VIPR2: variants seen among roughly 807,000 people sequenced by gnomAD.
VIPR2 encodes the protein vasoactive intestinal peptide receptor 2.
A neutral mutation model predicts 58.0 loss-of-function variants in VIPR2; 48 were observed. The ratio of observed to expected loss-of-function variants is 0.83; its 90% CI spans 0.66 to 1.05. The LOEUF (loss-of-function observed/expected upper bound fraction) is 1.05, where lower values mean the gene tolerates loss of function less well. VIPR2 is among the 50% of genes least tolerant of loss of function. The probability of loss-of-function intolerance (pLI) is 0.00; values close to 1 mark genes in which losing one functional copy is unlikely to be tolerated. For missense variants in VIPR2, 534 were observed against 558.0 expected (o/e 0.96, Z 0.43); for synonymous variants, 243 against 235.2 (o/e 1.03, Z -0.30).
At chr7:159,076,505 C>A (rs1318195464) in intron 4 of VIPR2, among the ~76,000 whole-genome samples, 1 of 152,214 alleles carries the variant, frequency 6.6e-6, no homozygotes, top group Non-Finnish European at 1.5e-5. Flanking sequence ...CAATTTGGAT[C>A]CAGCTGTTCT....
intron 5 of VIPR2, among the ~76,000 whole-genome samples, chr7:159,055,307 G>A (rs1855247084): frequency 6.6e-6 from 1 of 152,192 alleles, no homozygotes; most frequent in South Asian, 2.1e-4. Context: ...TCAGGAGAGA[G>A]GTGGGGTAGA....
intron 2 of VIPR2, among the ~76,000 whole-genome samples, chr7:159,126,857 T>G (rs1422024146): frequency 6.6e-6 from 1 of 152,256 alleles, no homozygotes; most frequent in East Asian, 1.9e-4. Context: ...TCTCCTGCAC[T>G]GCCACGCACT....
chr7:159,113,089 T>C (rs1796101345), intron 2 of VIPR2, among the ~76,000 whole-genome samples: 1 of 152,170 alleles, frequency 6.6e-6, no homozygotes, highest in Non-Finnish European at 1.5e-5. Flanking sequence ...CCTCTCACAT[T>C]GTTTTAGATT....
chr7:159,098,744 AT>A lies in VIPR2; in HGVS notation c.357+5012del, dbSNP rs903305532. 3.9e-5 allele frequency among the ~76,000 whole-genome samples: 6 copies of A among 152,080 alleles called. No homozygotes were observed. The highest frequency in any genetic ancestry group is 9.7e-5 in the African/African-American group (4 of 41,412). ...AAGTCTGTGGCTTCTGTGGAGGCTA[AT>A]TTTTTTTCTCGAATTTAATTAATTT... On this transcript the variant is annotated intron_variant, in intron 4 of 12. Transcript: ENST00000262178. The surrounding 1 kb of genome is among the most constrained non-coding windows in gnomAD (Gnocchi z 5.2).
intron 5 of VIPR2, among the ~76,000 whole-genome samples, chr7:159,045,730 T>C (rs534483471): frequency 1.2e-4 from 18 of 152,200 alleles, no homozygotes; most frequent in African/African-American, 4.1e-4. Flanking sequence ...TGTTCTTATG[T>C]ATGATACCAA....
intron 5 of VIPR2, among the ~76,000 whole-genome samples, chr7:159,045,070 C>T (rs34704094): frequency 6.6e-6 from 1 of 152,122 alleles, no homozygotes; most frequent in Non-Finnish European, 1.5e-5. Flanking sequence ...CGCACCTGGC[C>T]TAGGTTTGAG....
At chr7:159,034,426 C>T in intron 9 of VIPR2, 122 bp from the exon 10 acceptor site, 1 of 1,289,302 alleles carries the variant, frequency 7.8e-7, no homozygotes, top group Non-Finnish European at 1.1e-6. Context: ...TGGGAACTGC[C>T]TCTGGGGGTC....
rs1853411462 is a variant in VIPR2 at position 159,029,426 on chromosome 7, G to A, written c.*1190C>T. The A allele has an allele frequency of 6.6e-6, 1 of 152,288 alleles. No individual in the cohort carries two copies. 9.4% of individuals were successfully genotyped at this position (152,288 alleles called of 1,614,324 possible). On this transcript the variant is annotated 3_prime_UTR_variant, in exon 13 of 13. Coordinates refer to ENST00000262178, the MANE Select transcript of VIPR2 (RefSeq NM_003382.5). The stretch of plus-strand genomic sequence containing the variant: ...TCTGCAAACCACCCTTCGCCTGAAG[G>A]AGCAGCCGCTAGGGCTGCTGAGCGC...
At chr7:159,032,147 G>T in intron 10 of VIPR2, 80 bp from the exon 11 acceptor site, 1 of 1,571,528 alleles carries the variant, frequency 6.4e-7, no homozygotes, top group Admixed American at 1.8e-5. Flanking sequence ...TCTCAGGAGG[G>T]GGCAGCTGGG....
At chr7:159,123,805 C>G (rs1205069564) in intron 2 of VIPR2, among the ~76,000 whole-genome samples, 1 of 152,102 alleles carries the variant, frequency 6.6e-6, no homozygotes, top group Non-Finnish European at 1.5e-5. Flanking sequence ...GTAATCTTGC[C>G]AGCATCTGTT....
intron 3 of VIPR2, among the ~76,000 whole-genome samples, chr7:159,106,646 C>T (rs1858679265): frequency 8.6e-6 from 1 of 116,958 alleles, no homozygotes; most frequent in Admixed American, 1.1e-4. Flanking sequence ...CAGGGAGGGG[C>T]AGAGAGAGGC....
intron 4 of VIPR2, chr7:159,059,307 C>G (rs1035019607): frequency 8.7e-5 from 41 of 471,344 alleles, no homozygotes; most frequent in African/African-American, 8.0e-4. Flanking sequence ...TCATCACTCG[C>G]CACTCCCAAA....
intron 6 of VIPR2, among the ~76,000 whole-genome samples, chr7:159,037,177 T>C (rs1244625117): frequency 6.6e-6 from 1 of 152,264 alleles, no homozygotes; most frequent in Non-Finnish European, 1.5e-5. Context: ...CACTCACTGC[T>C]GGAGGGTCCT....
rs745664214 is a variant in VIPR2, at chr7:159,109,806, C to T, written c.259+6G>A. The T allele has an allele frequency of 6.2e-7, 1 of 1,613,850 alleles. No individual in the cohort carries two copies. ...GGAGCTCAGGAACTCAACCGACGGACAGTACCTGCTTTGCTGTAAAAATTG... is the reference window on the plus strand; with the variant it reads ...GGAGCTCAGGAACTCAACCGACGGATAGTACCTGCTTTGCTGTAAAAATTG... On this transcript the variant is annotated splice_donor_region_variant and intron_variant, in intron 3 of 12. Coordinates refer to ENST00000262178, the MANE Select transcript of VIPR2 (RefSeq NM_003382.5).
chr7:159,068,365 C>T (rs913040045), intron 4 of VIPR2, among the ~76,000 whole-genome samples: 7 of 152,232 alleles, frequency 4.6e-5, no homozygotes, highest in Non-Finnish European at 8.8e-5. Context: ...GCACACTCAG[C>T]ATTAATGGCA....
At chr7:159,045,839 A>C (rs907569001) in intron 5 of VIPR2, among the ~76,000 whole-genome samples, 11 of 151,254 alleles carry the variant, frequency 7.3e-5, no homozygotes, top group Non-Finnish European at 8.8e-5. Flanking sequence ...GAAAATCTAC[A>C]GAATGGGAGA....
At chr7:159,045,658 T>G (rs1052892136) in intron 5 of VIPR2, among the ~76,000 whole-genome samples, 2 of 152,130 alleles carry the variant, frequency 1.3e-5, no homozygotes, top group African/African-American at 4.8e-5. Context: ...TTCAAGACCT[T>G]TGGATTTCCT....
At chr7:159,087,477 C>T (rs57177079) in intron 4 of VIPR2, among the ~76,000 whole-genome samples, 2,840 of 119,968 alleles carry the variant, frequency 0.024, 131 homozygotes, top group African/African-American at 0.084. Flanking sequence ...TAGTGAGATA[C>T]GGCTTCCCCA....
chr7:159,046,448 C>T (rs745887136), intron 5 of VIPR2, among the ~76,000 whole-genome samples: 13 of 152,164 alleles, frequency 8.5e-5, no homozygotes, highest in Non-Finnish European at 1.8e-4. Flanking sequence ...AGACACCAGT[C>T]ACAAAAGGCC....
Sources: gnomAD v4.1 joint callset for allele counts (sites outside exome capture counted in the v4.1 genomes callset) on GRCh38, gnomAD v4.1.1 for gene constraint, Gnocchi (gnomAD v3.1) non-coding constraint, MANE v1.5 for transcripts, NCBI Gene and HGNC (gene_info 2026-07-23, HGNC 2026-07-21) for gene names.